The following EYA1 variants were observed in gnomAD, a reference collection of about 807,000 sequenced individuals.
EYA1 encodes EYA transcriptional coactivator and phosphatase 1.
A neutral mutation model predicts 82.0 loss-of-function variants in EYA1; 16 were observed. The ratio of observed to expected loss-of-function variants is 0.20; its 90% CI spans 0.13 to 0.30. EYA1 has a LOEUF of 0.30. Among genes scored for constraint, EYA1 ranks in the 10% least tolerant of loss-of-function variants. EYA1 has a pLI of 1.00. For synonymous variants in EYA1, 261 were observed against 264.4 expected (o/e 0.99, Z 0.12); for missense variants, 633 against 730.7 (o/e 0.87, Z 1.54).
chr8:71,388,431 G>A (rs1829089095), intron 2 of EYA1, among the ~76,000 whole-genome samples: 1 of 152,204 alleles, frequency 6.6e-6, no homozygotes, highest in Admixed American at 6.5e-5. Flanking sequence ...CTCCTAAACA[G>A]TGAGGGTGAC....
chr8:71,390,271 C>CTT (rs577622634), intron 2 of EYA1, among the ~76,000 whole-genome samples: 66 of 136,946 alleles, frequency 4.8e-4, no homozygotes, highest in African/African-American at 1.5e-3. Context: ...TTGGATAATT[C>CTT]TTTTTTTTTT....
At chr8:71,277,320 A>T (rs966101690) in intron 9 of EYA1, among the ~76,000 whole-genome samples, 1 of 151,580 alleles carries the variant, frequency 6.6e-6, no homozygotes, top group Non-Finnish European at 1.5e-5. Flanking sequence ...TAATTTTTTT[A>T]AAAAATCTTT....
intron 3 of EYA1, among the ~76,000 whole-genome samples, chr8:71,343,208 G>A (rs1181649643): frequency 6.6e-6 from 1 of 152,146 alleles, no homozygotes; most frequent in African/African-American, 2.4e-5. Context: ...GTTACAGCAG[G>A]CCATTTCAGC....
chr8:71,343,865 A>T (rs1242231943), intron 3 of EYA1, among the ~76,000 whole-genome samples: 2 of 152,164 alleles, frequency 1.3e-5, no homozygotes, highest in African/African-American at 4.8e-5. Context: ...AAAACTAAAT[A>T]AATATTAGAT....
At chr8:71,494,022 C>CAAAAAAAAAAAAAAAAAAAAAAAA (rs34340467) in intron 2 of EYA1, among the ~76,000 whole-genome samples, 5 of 41,870 alleles carry the variant, frequency 1.2e-4, no homozygotes, top group African/African-American at 2.7e-4. Flanking sequence ...GACTCCGTCT[C>CAAAAAAAAAAAAAAAAAAAAAAAA]AAAAAAAAAA....
intron 7 of EYA1, among the ~76,000 whole-genome samples, chr8:71,312,150 A>T (rs961001793): frequency 1.7e-4 from 26 of 152,314 alleles, no homozygotes; most frequent in African/African-American, 5.8e-4. Flanking sequence ...GAGCTTCATG[A>T]ATTGGTGTTT....
intron 2 of EYA1, among the ~76,000 whole-genome samples, chr8:71,485,863 G>A (rs1000892064): frequency 6.6e-6 from 1 of 152,276 alleles, no homozygotes; most frequent in African/African-American, 2.4e-5. Flanking sequence ...CATTTTTTAT[G>A]AGTTTTTATG....
intron 2 of EYA1, among the ~76,000 whole-genome samples, chr8:71,417,146 C>A (rs1170891874): frequency 3.3e-5 from 5 of 152,304 alleles, no homozygotes; most frequent in African/African-American, 9.6e-5. Flanking sequence ...GACTGGCTTC[C>A]TTGATCCTCA....
intron 3 of EYA1, among the ~76,000 whole-genome samples, chr8:71,346,625 T>C (rs1241622191): frequency 1.3e-5 from 2 of 151,930 alleles, no homozygotes; most frequent in African/African-American, 2.4e-5. Flanking sequence ...TCACTATTAA[T>C]ATACTAACAG....
intron 1 of EYA1, among the ~76,000 whole-genome samples, chr8:71,540,367 C>A (rs1239951845): frequency 6.6e-6 from 1 of 152,136 alleles, no homozygotes; most frequent in Non-Finnish European, 1.5e-5. Context: ...GCAATAGCAC[C>A]CCATTGTACA....
At chr8:71,276,448 C>T (rs575204107) in intron 9 of EYA1, among the ~76,000 whole-genome samples, 1 of 152,276 alleles carries the variant, frequency 6.6e-6, no homozygotes, top group African/African-American at 2.4e-5. Context: ...CCAAGTATTC[C>T]ATGGACACCA....
At chr8:71,411,616 A>G (rs1830593294) in intron 2 of EYA1, among the ~76,000 whole-genome samples, 1 of 151,872 alleles carries the variant, frequency 6.6e-6, no homozygotes, top group Admixed American at 6.6e-5. Context: ...TGCAGCCAAA[A>G]TACATGAAAA....
chr8:71,431,822 A>T (rs1001437666), intron 2 of EYA1, among the ~76,000 whole-genome samples: 2 of 152,142 alleles, frequency 1.3e-5, no homozygotes, highest in African/African-American at 2.4e-5. Context: ...CAAAGGTATT[A>T]CTTTGCATAT....
At chr8:71,297,752 G>A (rs111677581) in intron 9 of EYA1, among the ~76,000 whole-genome samples, 2,158 of 152,204 alleles carry the variant, frequency 0.014, 44 homozygotes, top group African/African-American at 0.049. Flanking sequence ...TGTCTTCAGT[G>A]TCATTATATA....
chr8:71,405,157 C>T (rs758009563), intron 2 of EYA1, among the ~76,000 whole-genome samples: 1 of 151,932 alleles, frequency 6.6e-6, no homozygotes, highest in Non-Finnish European at 1.5e-5. Context: ...TAAATATGTC[C>T]CCTCTTCTAG....
intron 2 of EYA1, among the ~76,000 whole-genome samples, chr8:71,391,793 A>G (rs1252807887): frequency 6.6e-6 from 1 of 152,170 alleles, no homozygotes; most frequent in Admixed American, 6.5e-5. Context: ...CTGTAGTACA[A>G]TTCCCAAAGC....
chr8:71,530,322 G>C (rs771265214), intron 2 of EYA1, among the ~76,000 whole-genome samples: 1 of 152,152 alleles, frequency 6.6e-6, no homozygotes, highest in Non-Finnish European at 1.5e-5. Context: ...GTTCCAGAGG[G>C]AGCATGGCCC....
chr8:71,197,742 T>G lies in EYA1; in HGVS notation c.*1598A>C, dbSNP rs886063084. The G allele has an allele frequency of 6.6e-6, 1 of 152,608 alleles. No homozygotes were observed. The allele number at this position is 152,608 out of a possible 1,614,324, so 9.5% of individuals were successfully genotyped here. On this transcript the variant is annotated 3_prime_UTR_variant, in exon 18 of 18. Transcript: ENST00000340726. ...GAAGTAGCTCTTCAACTACTTCGGG[T>G]CAAAGCTGGTGTTTTTCCCGCCCAA... is the stretch of plus-strand genomic sequence containing the variant.
At chr8:71,380,020 G>T (rs1350689905) in intron 2 of EYA1, among the ~76,000 whole-genome samples, 1 of 152,112 alleles carries the variant, frequency 6.6e-6, no homozygotes, top group Non-Finnish European at 1.5e-5. Flanking sequence ...TCAGCACCCG[G>T]CACCTGCCGC....
Sources: gnomAD v4.1 joint callset for allele counts (sites outside exome capture counted in the v4.1 genomes callset) on GRCh38, gnomAD v4.1.1 for gene constraint, MANE v1.5 for transcripts, NCBI Gene and HGNC (gene_info 2026-07-23, HGNC 2026-07-21) for gene names.